The following ZC3H12B variants were observed in gnomAD, a reference collection of about 807,000 sequenced individuals.
The protein encoded by ZC3H12B is probable ribonuclease ZC3H12B.
ZC3H12B carries 7 observed loss-of-function variants against 43.9 expected under a neutral mutation model. That is an observed-to-expected ratio of 0.16 (90% CI 0.09 to 0.30). The LOEUF (loss-of-function observed/expected upper bound fraction) is 0.30. Among genes scored for constraint, ZC3H12B ranks in the 10% least tolerant of loss-of-function variants. The pLI is 1.00. For missense variants in ZC3H12B, 475 were observed against 670.2 expected, an observed-to-expected ratio of 0.71 and a Z score of 3.22; for synonymous variants, 222 against 241.7, an observed-to-expected ratio of 0.92 and a Z score of 0.76.
At chrX:65,201,639 C>CCT in the ZC3H12B span, among the ~76,000 whole-genome samples, 904 of 64,532 alleles carry the variant, frequency 0.014, 13 homozygotes, top group Non-Finnish European at 0.018. Context: ...TGAAAGATCA[C>CCT]CTCTCTCTCT....
At chrX:65,172,861 T>A in the ZC3H12B span, among the ~76,000 whole-genome samples, 1 of 112,263 alleles carries the variant, frequency 8.9e-6, no homozygotes, top group Admixed American at 9.5e-5. Flanking sequence ...GGTAGTGTGA[T>A]GCCTCCAGCT....
At chrX:65,125,984 A>T in the ZC3H12B span, among the ~76,000 whole-genome samples, 4 of 108,239 alleles carry the variant, frequency 3.7e-5, no homozygotes, top group African/African-American at 1.0e-4. Flanking sequence ...TAGTATTGAG[A>T]TATGAGGTAC....
chrX:65,131,426 C>T, the ZC3H12B span, among the ~76,000 whole-genome samples: 10 of 111,362 alleles, frequency 9.0e-5, no homozygotes, highest in African/African-American at 1.3e-4. Context: ...CTACAGGGTG[C>T]GGTCCCAGCT....
the ZC3H12B span, among the ~76,000 whole-genome samples, chrX:65,219,095 CAAG>C: frequency 1.8e-5 from 2 of 111,545 alleles, no homozygotes; most frequent in African/African-American, 6.5e-5. Context: ...GTTTGGCTCT[CAAG>C]AAGCTCCATC....
At chrX:65,219,847 CACACAA>C in the ZC3H12B span, among the ~76,000 whole-genome samples, 30 of 109,089 alleles carry the variant, frequency 2.8e-4, no homozygotes, top group South Asian at 0.012. Flanking sequence ...CACACACACA[CACACAA>C]AACACCTGGG....
intron 2 of ZC3H12B, among the ~76,000 whole-genome samples, chrX:65,380,564 A>G (rs2066421832): frequency 9.0e-6 from 1 of 111,645 alleles, no homozygotes; most frequent in African/African-American, 3.3e-5. Flanking sequence ...GAGAAAAATA[A>G]CCAGGTAACA....
intron 1 of ZC3H12B, among the ~76,000 whole-genome samples, chrX:65,495,791 A>T (rs1435111956): frequency 1.8e-5 from 2 of 112,361 alleles, no homozygotes; most frequent in Non-Finnish European, 3.8e-5. Flanking sequence ...TTAAGTTTTC[A>T]CAATGTTTAT....
At chrX:65,115,460 G>A in the ZC3H12B span, among the ~76,000 whole-genome samples, 2 of 110,143 alleles carry the variant, frequency 1.8e-5, no homozygotes, top group African/African-American at 6.6e-5. Context: ...ATTGATTGTT[G>A]GGCATTTGGA....
the ZC3H12B span, among the ~76,000 whole-genome samples, chrX:65,123,405 C>T: frequency 2.7e-5 from 3 of 110,978 alleles, no homozygotes; most frequent in Admixed American, 9.6e-5. Flanking sequence ...GTGTGTGTGT[C>T]TCTGCCAGGC....
the ZC3H12B span, among the ~76,000 whole-genome samples, chrX:65,201,984 C>T: frequency 3.0e-5 from 3 of 99,398 alleles, no homozygotes; most frequent in East Asian, 6.0e-4. Context: ...CCTGAGGCCT[C>T]CTTAGCCATG....
At chrX:65,134,255 G>A in the ZC3H12B span, among the ~76,000 whole-genome samples, 1 of 110,963 alleles carries the variant, frequency 9.0e-6, no homozygotes, top group Admixed American at 9.5e-5. Flanking sequence ...AAGCATCCCA[G>A]CAATTGACTT....
the ZC3H12B span, chrX:65,356,987 CATGGTGTATAAA>C: frequency 6.1e-6 from 3 of 495,460 alleles, no homozygotes; most frequent in African/African-American, 7.0e-5. Context: ...ATATTCCTCT[CATGGTGTATAAA>C]ATGGATGTTG....
chrX:65,437,306 C>G (rs2067233110), intron 3 of ZC3H12B, among the ~76,000 whole-genome samples: 1 of 111,474 alleles, frequency 9.0e-6, no homozygotes, highest in Non-Finnish European at 1.9e-5. Context: ...TGCTCTATAC[C>G]CTTCCCAACC....
chrX:65,290,916 T>C, the ZC3H12B span, among the ~76,000 whole-genome samples: 62 of 110,970 alleles, frequency 5.6e-4, no homozygotes, highest in Non-Finnish European at 1.1e-3. Context: ...TAAAGTAAGA[T>C]AAAAGGAATA....
At chrX:65,337,522 T>G in the ZC3H12B span, among the ~76,000 whole-genome samples, 1 of 112,565 alleles carries the variant, frequency 8.9e-6, no homozygotes, top group South Asian at 3.6e-4. Context: ...AATGTTTCCA[T>G]TACTAAAATT....
chrX:65,196,151 C>T, the ZC3H12B span, among the ~76,000 whole-genome samples: 32 of 101,392 alleles, frequency 3.2e-4, no homozygotes, highest in Non-Finnish European at 5.9e-4. Flanking sequence ...AGTGCCCCCT[C>T]GAAAGGTGCG....
the ZC3H12B span, among the ~76,000 whole-genome samples, chrX:65,200,916 T>C: frequency 9.0e-6 from 1 of 111,729 alleles, no homozygotes; most frequent in Non-Finnish European, 1.9e-5. Context: ...GCTAAGCATT[T>C]TGATGTGATG....
At chrX:65,491,948 C>A (rs12395619) in intron 1 of ZC3H12B, among the ~76,000 whole-genome samples, 15,182 of 109,164 alleles carry the variant, frequency 0.14, 2,612 homozygotes, top group African/African-American at 0.47. Flanking sequence ...CAGTGAAAAG[C>A]AGAGGATAAT....
the ZC3H12B span, among the ~76,000 whole-genome samples, chrX:65,110,193 G>T: frequency 9.1e-6 from 1 of 109,886 alleles, no homozygotes; most frequent in Admixed American, 9.8e-5. Flanking sequence ...TCTAGATACT[G>T]GTCCTTTATT....
Sources: allele counts gnomAD v4.1 joint callset (sites outside exome capture counted in the v4.1 genomes callset), GRCh38; gene constraint gnomAD v4.1.1; transcripts MANE v1.5; gene names NCBI Gene and HGNC (gene_info 2026-07-23, HGNC 2026-07-21).